WDR70: variants seen among roughly 807,000 people sequenced by gnomAD.
WDR70 encodes the protein WD repeat-containing protein 70.
In WDR70, 53 loss-of-function variants were observed where a neutral mutation model predicts 88.6. The ratio of observed to expected loss-of-function variants is 0.60; its 90% CI spans 0.48 to 0.75. The LOEUF (loss-of-function observed/expected upper bound fraction) is 0.75. Ranked by LOEUF, WDR70 falls within the 30% of genes least tolerant of loss-of-function variation. The pLI is 0.00. For synonymous variants in WDR70, 280 were observed against 270.0 expected (o/e 1.04, Z -0.36); for missense variants, 610 against 823.2 (o/e 0.74, Z 3.17).
intron 5 of WDR70, among the ~76,000 whole-genome samples, chr5:37,397,379 G>T (rs1749050096): frequency 6.6e-6 from 1 of 151,542 alleles, no homozygotes; most frequent in African/African-American, 2.4e-5. Context: ...CGAGGCAGGA[G>T]AATCGCTTGA....
At chr5:37,562,321 G>A (rs1742531552) in intron 9 of WDR70, among the ~76,000 whole-genome samples, 1 of 151,964 alleles carries the variant, frequency 6.6e-6, no homozygotes, top group Non-Finnish European at 1.5e-5. Flanking sequence ...ACACCATTGT[G>A]CTCCAGCCTG....
chr5:37,724,941 C>T lies in WDR70; in HGVS notation c.1605C>T (p.Ala535=). ...AAATGTGACTTCTTGTAGCTCATGCCTTGCCTATGTTCCGTGAGCCCCGCC... is the reference window on the plus strand; with the variant it reads ...AAATGTGACTTCTTGTAGCTCATGCTTTGCCTATGTTCCGTGAGCCCCGCC... ...LTQDYIITPH[A]LPMFREPRQR... Residue 535 remains alanine (A), a synonymous_variant, in exon 16 of 18, where the codon GCC becomes GCT. Transcript: ENST00000265107. The T allele has an allele frequency of 6.2e-7, 1 of 1,613,484 alleles. No individual in the cohort carries two copies. Among genetic ancestry groups the T allele is most frequent in the Non-Finnish European group, 8.5e-7 (1 of 1,179,630 alleles).
At chr5:37,627,052 A>G (rs989004756) in intron 10 of WDR70, among the ~76,000 whole-genome samples, 2 of 150,280 alleles carry the variant, frequency 1.3e-5, no homozygotes, top group African/African-American at 4.9e-5. Flanking sequence ...GATTTTGTTT[A>G]TCTTCTCAAA....
At chr5:37,387,980 AGTGGAAAGGATGAATTACG>A (rs1561832911) in intron 3 of WDR70, among the ~76,000 whole-genome samples, 1 of 152,166 alleles carries the variant, frequency 6.6e-6, no homozygotes, top group Non-Finnish European at 1.5e-5. Flanking sequence ...TAAGTGCACT[AGTGGAAAGGATGAATTACG>A]GTAAAACCCC....
intron 7 of WDR70, 131 bp downstream of exon 7, chr5:37,443,503 C>T (rs1462087885): frequency 3.4e-5 from 33 of 980,000 alleles, no homozygotes; most frequent in Middle Eastern, 2.8e-4. Flanking sequence ...TGACTGTATA[C>T]GGCCTTCATA....
chr5:37,422,827 A>G (rs979642964), intron 5 of WDR70, among the ~76,000 whole-genome samples: 2 of 151,892 alleles, frequency 1.3e-5, no homozygotes, highest in Non-Finnish European at 2.9e-5. Context: ...GGGTTTTGCC[A>G]TGTTGCTCAG....
intron 9 of WDR70, among the ~76,000 whole-genome samples, chr5:37,552,952 T>G (rs925556050): frequency 6.6e-6 from 1 of 152,142 alleles, no homozygotes; most frequent in African/African-American, 2.4e-5. Context: ...GATTCTATAG[T>G]CCAAGAGCAG....
intron 10 of WDR70, among the ~76,000 whole-genome samples, chr5:37,637,170 T>G (rs1215240580): frequency 6.6e-6 from 1 of 151,744 alleles, no homozygotes; most frequent in African/African-American, 2.4e-5. Context: ...GGTGAAACCC[T>G]TTCTCTACTA....
At chr5:37,612,122 AAGAACT>A (rs1284092567) in intron 10 of WDR70, among the ~76,000 whole-genome samples, 1 of 152,160 alleles carries the variant, frequency 6.6e-6, no homozygotes, top group African/African-American at 2.4e-5. Context: ...TGTAGACAAA[AAGAACT>A]CTATTTTATT....
intron 10 of WDR70, among the ~76,000 whole-genome samples, chr5:37,636,045 T>G (rs1744955209): frequency 6.6e-6 from 1 of 152,196 alleles, no homozygotes; most frequent in Non-Finnish European, 1.5e-5. Context: ...GAACTGTAAG[T>G]CAATTAAACC....
chr5:37,564,460 G>A (rs1450889107), intron 9 of WDR70, among the ~76,000 whole-genome samples: 1 of 152,020 alleles, frequency 6.6e-6, no homozygotes, highest in African/African-American at 2.4e-5. Flanking sequence ...AGGTTGCAGT[G>A]AGCCGAGATG....
chr5:37,494,871 T>G (rs1740169308), intron 8 of WDR70, among the ~76,000 whole-genome samples: 1 of 152,262 alleles, frequency 6.6e-6, no homozygotes, highest in African/African-American at 2.4e-5. Context: ...ATCCTTGATT[T>G]ATGCAAGCAA....
rs1369636550 is a variant in WDR70 at position 37,379,514 on chromosome 5, G to C, written c.51G>C (p.Pro17=). The change falls in exon 2 of 18, where the codon CCG becomes CCC. Residue 17 remains proline, a synonymous_variant. Transcript: ENST00000265107. ...SEVTGSDASG[P]DPQLAVTMGF... ...TGACAGGCTCAGACGCGTCGGGACC[G>C]GACCCGCAGCTTGCGGTCACCATGG... is the stretch of plus-strand genomic sequence containing the variant. The C allele has an allele frequency of 6.2e-7, 1 of 1,614,000 alleles. No individual in the cohort carries two copies. Among genetic ancestry groups the C allele is most frequent in the Admixed American group, 1.7e-5 (1 of 60,020 alleles).
chr5:37,549,659 C>A lies in WDR70; in HGVS notation c.917+33069C>A, dbSNP rs577367132. Among the ~76,000 whole-genome samples, 3 of 152,290 alleles carry A rather than the reference C, an allele frequency of 2.0e-5. No individual in the cohort carries two copies. The South Asian group carries it at 6.2e-4, about 32-fold the overall frequency. On this transcript the variant is annotated intron_variant, in intron 9 of 17. Transcript: ENST00000265107. ...TCTTTTATCTGATCACTAGCTAGGA[C>A]TTCCAGCACTGTGTTGAATAACAGT...
Position 37,671,384 on chromosome 5 carries a change from T to C in WDR70, c.1093-26271T>C, listed in dbSNP as rs571339653. Among the ~76,000 whole-genome samples, 7 of 152,242 alleles carry C rather than the reference T, an allele frequency of 4.6e-5. No homozygotes were observed. In the South Asian group the frequency reaches 1.2e-3, roughly 27 times the overall value. On this transcript the variant is annotated intron_variant, in intron 10 of 17. Coordinates refer to ENST00000265107, the MANE Select transcript of WDR70 (RefSeq NM_018034.4). ...TAAGACAGGGAAATAGCAGATTAAC[T>C]GTAACTCAGTCTTTTTGTGAGTGGG...
chr5:37,737,838 C>T (rs528126261), intron 17 of WDR70, among the ~76,000 whole-genome samples: 5 of 151,806 alleles, frequency 3.3e-5, no homozygotes, highest in African/African-American at 7.3e-5. Context: ...TCACAGTTTC[C>T]GTAGGTCTCA....
rs188879010 is a variant in WDR70 at position 37,607,327 on chromosome 5, C to T, written c.1092+2089C>T. On this transcript the variant is annotated intron_variant, in intron 10 of 17. Coordinates refer to ENST00000265107, the MANE Select transcript of WDR70 (RefSeq NM_018034.4). ...AACACTAAAGCTGAAATGAGAATGC[C>T]CAGTAACAATAGTTTTTCCAAACAG... Among the ~76,000 whole-genome samples the T allele has an allele frequency of 3.5e-3, 533 of 151,874 alleles. 7 individuals carry two copies. The highest frequency in any genetic ancestry group is 0.017 in the South Asian group (82 of 4,806).
chr5:37,462,940 A>G (rs1739051815), intron 7 of WDR70, among the ~76,000 whole-genome samples: 1 of 152,256 alleles, frequency 6.6e-6, no homozygotes, highest in Middle Eastern at 3.4e-3. Flanking sequence ...ATCTCTGTAT[A>G]GTGTTGCCAT....
chr5:37,467,989 C>T lies in WDR70; in HGVS notation c.687-11845C>T, dbSNP rs567345327. 2.8e-4 allele frequency among the ~76,000 whole-genome samples: 42 copies of T among 152,222 alleles called. No homozygotes were observed. In the East Asian group the frequency reaches 8.1e-3, roughly 29 times the overall value. Reference sequence around the variant, plus strand: ...TCGGCCTCCCAAAGTGCTGGGATTACAGGAGTGAGCCACCGCGCCTGGCCT... The same window carrying T: ...TCGGCCTCCCAAAGTGCTGGGATTATAGGAGTGAGCCACCGCGCCTGGCCT... On this transcript the variant is annotated intron_variant, in intron 7 of 17. Coordinates refer to ENST00000265107, the MANE Select transcript of WDR70 (RefSeq NM_018034.4).
Sources: allele counts gnomAD v4.1 joint callset (sites outside exome capture counted in the v4.1 genomes callset), GRCh38; gene constraint gnomAD v4.1.1; transcripts MANE v1.5; gene names NCBI Gene and HGNC (gene_info 2026-07-23, HGNC 2026-07-21).